Variants in STAU1 observed in about 807,000 individuals in gnomAD.
STAU1 encodes double-stranded RNA-binding protein Staufen homolog 1.
Under a neutral mutation model 62.9 loss-of-function variants are expected in STAU1, and 13 were observed. The observed-to-expected ratio is 0.21, with a 90% CI of 0.13 to 0.33. The LOEUF (loss-of-function observed/expected upper bound fraction) is 0.33, where lower values mean the gene tolerates loss of function less well. STAU1 is among the 10% of genes least tolerant of loss of function. The pLI, the probability that STAU1 is intolerant of heterozygous loss-of-function variation, is 1.00. For missense variants in STAU1, 571 were observed against 712.1 expected (o/e 0.80, Z 2.25); for synonymous variants, 269 against 265.1 (o/e 1.01, Z -0.14).
At chr20:49,195,331 A>G in the STAU1 span, among the ~76,000 whole-genome samples, 1 of 151,430 alleles carries the variant, frequency 6.6e-6, no homozygotes, top group African/African-American at 2.4e-5. Flanking sequence ...AAGTCAAGAC[A>G]TGAAGACCAT....
At chr20:49,185,346 T>C (rs769569669) in intron 1 of STAU1, among the ~76,000 whole-genome samples, 13 of 152,246 alleles carry the variant, frequency 8.5e-5, no homozygotes, top group Non-Finnish European at 1.3e-4. Flanking sequence ...TTTTCAATTA[T>C]AGTCATTAAT....
At chr20:49,151,839 G>T in intron 4 of STAU1, 92 bp from the exon 5 acceptor site, 1 of 1,124,824 alleles carries the variant, frequency 8.9e-7, no homozygotes, top group Non-Finnish European at 1.2e-6. Flanking sequence ...CCTTCATCAC[G>T]ATCCTACTCA....
chr20:49,115,921 A>G, intron 12 of STAU1, 54 bp from the exon 13 acceptor site: 1 of 1,506,418 alleles, frequency 6.6e-7, no homozygotes, highest in East Asian at 2.3e-5. Flanking sequence ...GGACCACAGC[A>G]TAATACACTG....
rs2093522726 is a variant in STAU1 at position 49,166,143 on chromosome 20, A to G, written c.59T>C (p.Ile20Thr). 1 of 1,614,056 alleles carries G rather than the reference A, an allele frequency of 6.2e-7. No homozygotes were observed. Among genetic ancestry groups the G allele is most frequent in the Non-Finnish European group, 8.5e-7 (1 of 1,180,038 alleles). Residue 20 changes from isoleucine to threonine, a missense_variant, in exon 3 of 14, where the codon ATA becomes ACA. By Grantham distance (89) the Ile-to-Thr change is moderately conservative. Around this residue, in one of 3 missense-constraint regions of STAU1, gnomAD observed 414 missense variants for 499.6 expected, o/e 0.83. Transcript: ENST00000371856. ...NPSAALSGSQ[I>T]LNKNQSLLSQ... ...GAGAAGAGACTGGTTCTTGTTCAGT[A>G]TTTGGCTCCCTGAGAGAGCAGCAGA...
intron 3 of STAU1, among the ~76,000 whole-genome samples, chr20:49,165,191 C>T (rs1239268517): frequency 6.6e-6 from 1 of 151,912 alleles, no homozygotes; most frequent in Non-Finnish European, 1.5e-5. Context: ...ACTACAGGCA[C>T]GCACCACCAT....
At chr20:49,170,359 A>T (rs548519226) in intron 2 of STAU1, among the ~76,000 whole-genome samples, 36 of 152,170 alleles carry the variant, frequency 2.4e-4, no homozygotes, top group African/African-American at 6.3e-4. Context: ...ATGGAAAAAC[A>T]TTTTTTTTCT....
chr20:49,197,932 C>T, the STAU1 span, among the ~76,000 whole-genome samples: 3 of 152,132 alleles, frequency 2.0e-5, no homozygotes, highest in African/African-American at 4.8e-5. Flanking sequence ...TGGTCTCTAA[C>T]TCCTGGCCTC....
chr20:49,171,013 C>A (rs1360716340), intron 2 of STAU1, among the ~76,000 whole-genome samples: 3 of 152,194 alleles, frequency 2.0e-5, no homozygotes, highest in Non-Finnish European at 4.4e-5. Flanking sequence ...TATTAAGCAT[C>A]TATTACATGT....
chr20:49,177,717 G>T (rs552345732), intron 1 of STAU1, among the ~76,000 whole-genome samples: 7 of 151,752 alleles, frequency 4.6e-5, no homozygotes, highest in Non-Finnish European at 1.0e-4. Flanking sequence ...CATAAAAAAA[G>T]CTAAATATAA....
chr20:49,161,467 T>C (rs1371314489), intron 3 of STAU1, among the ~76,000 whole-genome samples: 1 of 152,234 alleles, frequency 6.6e-6, no homozygotes, highest in African/African-American at 2.4e-5. Flanking sequence ...TTTGAAAACA[T>C]GTATTTTGAA....
At chr20:49,206,629 T>A in the STAU1 span, among the ~76,000 whole-genome samples, 1 of 142,988 alleles carries the variant, frequency 7.0e-6, no homozygotes, top group African/African-American at 2.6e-5. Flanking sequence ...CCCAAAGTAC[T>A]GAGATTATAG....
At chr20:49,217,499 A>G in the STAU1 span, among the ~76,000 whole-genome samples, 1 of 151,976 alleles carries the variant, frequency 6.6e-6, no homozygotes, top group African/African-American at 2.4e-5. Context: ...CCCCAGTACC[A>G]TTTTGCATCC....
intron 6 of STAU1, chr20:49,134,693 A>G: frequency 9.2e-7 from 1 of 1,086,870 alleles, no homozygotes; most frequent in Non-Finnish European, 1.4e-6. Context: ...GATATATTTA[A>G]CTCTCTACAT....
intron 6 of STAU1, chr20:49,134,647 A>G: frequency 8.2e-7 from 1 of 1,219,352 alleles, no homozygotes; most frequent in Non-Finnish European, 1.2e-6. Flanking sequence ...TCTTCTTCAA[A>G]AACTATGAAA....
Position 49,114,902 on chromosome 20 carries a change from A to T in STAU1, c.1719-9T>A. The T allele has an allele frequency of 6.2e-7, 1 of 1,613,170 alleles. No individual in the cohort carries two copies. Among genetic ancestry groups the T allele is most frequent in the Non-Finnish European group, 8.5e-7 (1 of 1,179,434 alleles). On this transcript the variant is annotated splice_polypyrimidine_tract_variant and intron_variant, in intron 13 of 13. Coordinates refer to ENST00000371856, the MANE Select transcript of STAU1 (RefSeq NM_017453.4). Reference sequence around the variant, plus strand: ...TTCAGCACCTCCCACACCTTTAAGGAAGAAAAATGAAAATGACACTAGTTT... The same window carrying T: ...TTCAGCACCTCCCACACCTTTAAGGTAGAAAAATGAAAATGACACTAGTTT...
At chr20:49,185,533 AAAG>A (rs2093776469) in intron 1 of STAU1, among the ~76,000 whole-genome samples, 1 of 152,230 alleles carries the variant, frequency 6.6e-6, no homozygotes, top group Non-Finnish European at 1.5e-5. Flanking sequence ...TATTCTACTA[AAAG>A]TAAATTTTGT....
chr20:49,181,763 C>CAAAAAAAAAAAAAAAA lies in STAU1; in HGVS notation c.-160+6352_-160+6353insTTTTTTTTTTTTTTTT, dbSNP rs1309573018. On this transcript the variant is annotated intron_variant, in intron 1 of 13. Transcript: ENST00000371856. ...CCTGGGCAACAGAGCAAGACTATCTCAACAAAAAAAAAAAAAAAAAAAAAA... is the reference window on the plus strand; with the variant it reads ...CCTGGGCAACAGAGCAAGACTATCTCAAAAAAAAAAAAAAAAAACAAAAAAAAAAAAAAAAAAAAAA... 4.5e-5 allele frequency among the ~76,000 whole-genome samples: 3 copies of CAAAAAAAAAAAAAAAA among 66,702 alleles called. 1 individual carries two copies. Among genetic ancestry groups the CAAAAAAAAAAAAAAAA allele is most frequent in the Non-Finnish European group, 2.8e-5 (1 of 35,820 alleles). The allele number at this position is 66,702 out of a possible 152,430, so 43.8% of individuals were successfully genotyped here.
intron 1 of STAU1, among the ~76,000 whole-genome samples, chr20:49,186,219 G>C (rs1323761228): frequency 6.6e-6 from 1 of 151,846 alleles, no homozygotes; most frequent in Non-Finnish European, 1.5e-5. Flanking sequence ...GGTGGCGGGC[G>C]TCTGTAATCC....
In STAU1 at chr20:49,117,905, A is replaced by C; in HGVS notation, c.1381T>G (p.Tyr461Asp). ...TCGGCTGTGGGCGAGGTGCCCCCAT[A>C]CAACAACTCTCGGGCTATCATGGCA... ...VTAMIARELL[Y>D]GGTSPTAETI... The change falls in exon 11 of 14, where the codon TAT becomes GAT. Residue 461 changes from tyrosine to aspartate, a missense_variant. Tyr to Asp is a radical substitution (Grantham distance 160). Coordinates refer to ENST00000371856, the MANE Select transcript of STAU1 (RefSeq NM_017453.4). The surrounding 1 kb of genome is among the most constrained non-coding windows in gnomAD (Gnocchi z 4.6). The C allele has an allele frequency of 6.2e-7, 1 of 1,614,170 alleles. No individual in the cohort carries two copies. The highest frequency in any genetic ancestry group is 8.5e-7 in the Non-Finnish European group (1 of 1,180,034).
Sources: allele counts gnomAD v4.1 joint callset (sites outside exome capture counted in the v4.1 genomes callset), GRCh38; gene constraint gnomAD v4.1.1; regional missense constraint gnomAD v4.1.1; non-coding constraint Gnocchi (gnomAD v3.1); transcripts MANE v1.5; gene names NCBI Gene and HGNC (gene_info 2026-07-23, HGNC 2026-07-21).